The following NT5DC3 variants were observed in gnomAD, a reference collection of about 807,000 sequenced individuals.
NT5DC3 encodes the protein 5'-nucleotidase domain containing 3.
In NT5DC3, 42 loss-of-function variants were observed where a neutral mutation model predicts 67.8. The observed-to-expected ratio is 0.62, with a 90% CI of 0.48 to 0.80. The LOEUF (loss-of-function observed/expected upper bound fraction) is 0.80, where lower values mean the gene tolerates loss of function less well. Ranked by LOEUF, NT5DC3 falls within the 30% of genes least tolerant of loss-of-function variation. The pLI, the probability that NT5DC3 is intolerant of heterozygous loss-of-function variation, is 0.00. For synonymous variants in NT5DC3, 237 were observed against 255.6 expected, an observed-to-expected ratio of 0.93 and a Z score of 0.69; for missense variants, 570 against 696.4, an observed-to-expected ratio of 0.82 and a Z score of 2.04.
At chr12:103,778,115 A>G in intron 13 of NT5DC3, 34 bp from the exon 14 acceptor site, 1 of 1,554,696 alleles carries the variant, frequency 6.4e-7, no homozygotes, top group Non-Finnish European at 8.7e-7. Context: ...AGCAACAGAG[A>G]ATGATTCAAA....
the NT5DC3 span, among the ~76,000 whole-genome samples, chr12:103,761,804 AAGTTAG>A: frequency 6.6e-6 from 1 of 152,174 alleles, no homozygotes; most frequent in African/African-American, 2.4e-5. Context: ...GAAGGATTGT[AAGTTAG>A]AAATGGAAAA....
At chr12:103,814,670 G>A (rs762381019) in intron 2 of NT5DC3, among the ~76,000 whole-genome samples, 1 of 152,180 alleles carries the variant, frequency 6.6e-6, no homozygotes, top group Non-Finnish European at 1.5e-5. Flanking sequence ...GTCATTCTGT[G>A]AAAGACGAGA....
intron 11 of NT5DC3, among the ~76,000 whole-genome samples, chr12:103,786,832 G>A (rs1216586112): frequency 1.3e-5 from 2 of 152,056 alleles, no homozygotes; most frequent in African/African-American, 2.4e-5. Context: ...ACAGGCGTGT[G>A]CTACCACGCC....
intron 1 of NT5DC3, among the ~76,000 whole-genome samples, chr12:103,837,208 T>C (rs1045924352): frequency 6.6e-6 from 1 of 152,236 alleles, no homozygotes; most frequent in Non-Finnish European, 1.5e-5. Flanking sequence ...CATTGGCCTC[T>C]TCCAGCCACA....
chr12:103,800,195 C>T (rs1353681182), intron 4 of NT5DC3, among the ~76,000 whole-genome samples: 1 of 152,194 alleles, frequency 6.6e-6, no homozygotes, highest in Non-Finnish European at 1.5e-5. Context: ...CTCTTTCCTC[C>T]CGTCTCCATC....
the NT5DC3 span, chr12:103,759,277 C>CA: frequency 6.2e-7 from 1 of 1,613,424 alleles, no homozygotes; most frequent in Admixed American, 1.7e-5. Flanking sequence ...CCAACCGGTA[C>CA]AAAGTCTTCT....
downstream of NT5DC3, chr12:103,766,246 C>T (rs760089279): frequency 1.1e-5 from 18 of 1,613,502 alleles, no homozygotes; most frequent in African/African-American, 2.7e-5. Flanking sequence ...GGACTCAACA[C>T]ACAGAATGCC....
chr12:103,747,096 A>G, the NT5DC3 span, among the ~76,000 whole-genome samples: 1 of 151,798 alleles, frequency 6.6e-6, no homozygotes, highest in Non-Finnish European at 1.5e-5. Flanking sequence ...AGCTGGGATT[A>G]CAGGCATGCG....
chr12:103,760,919 G>A, the NT5DC3 span, among the ~76,000 whole-genome samples: 4 of 152,154 alleles, frequency 2.6e-5, no homozygotes, highest in Non-Finnish European at 4.4e-5. Context: ...AAATCACACT[G>A]GGACATCACT....
At chr12:103,755,684 T>G in the NT5DC3 span, 1 of 1,614,214 alleles carries the variant, frequency 6.2e-7, no homozygotes, top group Non-Finnish European at 8.5e-7. Flanking sequence ...CTGCAGGTCC[T>G]GATGTCCTTC....
chr12:103,788,940 C>T (rs1434616911), intron 9 of NT5DC3, 21 bp from the exon 10 acceptor site: 1 of 1,481,322 alleles, frequency 6.8e-7, no homozygotes, highest in Non-Finnish European at 9.4e-7. Context: ...AAATGGGAAA[C>T]ATTATGACAT....
the NT5DC3 span, among the ~76,000 whole-genome samples, chr12:103,748,006 A>G: frequency 1.3e-5 from 2 of 151,838 alleles, no homozygotes; most frequent in Non-Finnish European, 2.9e-5. Context: ...AAAAAAAAAA[A>G]AAAAAAAAGG....
At chr12:103,821,161 G>A (rs1026439812) in intron 1 of NT5DC3, among the ~76,000 whole-genome samples, 4 of 152,262 alleles carry the variant, frequency 2.6e-5, no homozygotes, top group Non-Finnish European at 2.9e-5. Flanking sequence ...AAGCCACCAC[G>A]TGGAGCTGAC....
At chr12:103,826,504 G>A (rs895455255) in intron 1 of NT5DC3, among the ~76,000 whole-genome samples, 1 of 152,282 alleles carries the variant, frequency 6.6e-6, no homozygotes, top group Middle Eastern at 3.4e-3. Context: ...AAAATGCAAG[G>A]GGCTACAAAC....
chr12:103,795,190 T>C (rs1301076963), intron 6 of NT5DC3, among the ~76,000 whole-genome samples: 4 of 152,232 alleles, frequency 2.6e-5, no homozygotes, highest in African/African-American at 9.6e-5. Flanking sequence ...CTCTGCTATT[T>C]ACCAGCTGTG....
chr12:103,840,190 G>A (rs974684279), intron 1 of NT5DC3, among the ~76,000 whole-genome samples: 1 of 152,154 alleles, frequency 6.6e-6, no homozygotes, highest in Non-Finnish European at 1.5e-5. Flanking sequence ...GAACGATTTA[G>A]AGATAATCTA....
chr12:103,824,956 G>A (rs192744732), intron 1 of NT5DC3, among the ~76,000 whole-genome samples: 2 of 152,226 alleles, frequency 1.3e-5, no homozygotes, highest in African/African-American at 4.8e-5. Flanking sequence ...CAATGTGCCA[G>A]ACAGTGCACA....
At chr12:103,759,331 G>A in the NT5DC3 span, 3 of 1,595,136 alleles carry the variant, frequency 1.9e-6, no homozygotes, top group Non-Finnish European at 2.6e-6. Context: ...AAAGTTCCTG[G>A]CATACAGTAG....
chr12:103,840,643 GC>G (rs1344779489), intron 1 of NT5DC3, among the ~76,000 whole-genome samples: 3 of 152,122 alleles, frequency 2.0e-5, no homozygotes, highest in African/African-American at 7.2e-5. Flanking sequence ...AGGAACCCCA[GC>G]CCCGCGCGGC....
Sources: gnomAD v4.1 joint callset for allele counts (sites outside exome capture counted in the v4.1 genomes callset) on GRCh38, gnomAD v4.1.1 for gene constraint, MANE v1.5 for transcripts, NCBI Gene and HGNC (gene_info 2026-07-23, HGNC 2026-07-21) for gene names.